The following SCD5 variants were observed in gnomAD, a reference collection of about 807,000 sequenced individuals.
SCD5 encodes acyl-CoA-desaturase 4.
A neutral mutation model predicts 30.4 loss-of-function variants in SCD5; 20 were observed. The observed-to-expected ratio is 0.66, with a 90% confidence interval of 0.46 to 0.96. The LOEUF is 0.96. Among genes scored for constraint, SCD5 ranks in the 40% least tolerant of loss-of-function variants. SCD5 has a pLI of 0.00. For missense variants in SCD5, 381 were observed against 443.3 expected (o/e 0.86, Z 1.26); for synonymous variants, 173 against 176.4 (o/e 0.98, Z 0.16).
At chr4:82,721,633 A>G (rs965878832) in intron 1 of SCD5, among the ~76,000 whole-genome samples, 5 of 152,214 alleles carry the variant, frequency 3.3e-5, no homozygotes, top group Non-Finnish European at 7.3e-5. Context: ...AACAATGTGA[A>G]GAGACATAGG....
At chr4:82,798,017 G>C (rs1309355382) in intron 1 of SCD5, among the ~76,000 whole-genome samples, 101 of 148,838 alleles carry the variant, frequency 6.8e-4, no homozygotes, top group African/African-American at 2.3e-3. Context: ...AGGACTCCGG[G>C]TCCCCCCCGG....
intron 2 of SCD5, among the ~76,000 whole-genome samples, chr4:82,697,322 AG>A (rs940356684): frequency 3.3e-5 from 5 of 152,230 alleles, no homozygotes; most frequent in African/African-American, 1.2e-4. Context: ...AACTCTTTAA[AG>A]TATTGCGGTT....
chr4:82,708,992 C>T (rs1720023214), intron 1 of SCD5, among the ~76,000 whole-genome samples: 1 of 152,064 alleles, frequency 6.6e-6, no homozygotes, highest in African/African-American at 2.4e-5. Context: ...TAATACTCAC[C>T]ACAAGTGTAG....
intron 3 of SCD5, among the ~76,000 whole-genome samples, chr4:82,659,234 T>A (rs1727933885): frequency 6.6e-6 from 1 of 152,196 alleles, no homozygotes; most frequent in South Asian, 2.1e-4. Flanking sequence ...TTTTCTTCTT[T>A]ATTAGTCTGG....
At chr4:82,710,608 G>T (rs1396970279) in intron 1 of SCD5, among the ~76,000 whole-genome samples, 1 of 152,200 alleles carries the variant, frequency 6.6e-6, no homozygotes, top group African/African-American at 2.4e-5. Flanking sequence ...GGCTTCTTGG[G>T]AGAGGGTGAC....
At chr4:82,711,162 C>T (rs935843300) in intron 1 of SCD5, among the ~76,000 whole-genome samples, 3 of 151,954 alleles carry the variant, frequency 2.0e-5, no homozygotes, top group Admixed American at 2.0e-4. Context: ...GCATGAATGC[C>T]ATGCTCTGTT....
intron 3 of SCD5, among the ~76,000 whole-genome samples, chr4:82,665,231 CA>C (rs35422547): frequency 0.019 from 1,355 of 72,140 alleles, 12 homozygotes; most frequent in African/African-American, 0.057. Context: ...GACCCTGTCT[CA>C]AAAAAAAAAA....
At chr4:82,682,822 G>A (rs1002909044) in intron 2 of SCD5, among the ~76,000 whole-genome samples, 1 of 151,866 alleles carries the variant, frequency 6.6e-6, no homozygotes, top group African/African-American at 2.4e-5. Flanking sequence ...CTAATTTTTT[G>A]TTTTTCTTTT....
intron 2 of SCD5, among the ~76,000 whole-genome samples, chr4:82,682,383 G>T (rs530671003): frequency 1.3e-3 from 194 of 152,068 alleles, no homozygotes; most frequent in Non-Finnish European, 2.1e-3. Flanking sequence ...ATCTACAGAC[G>T]TTTTTTTACA....
intron 1 of SCD5, among the ~76,000 whole-genome samples, chr4:82,720,648 CA>C (rs1344185460): frequency 1.1e-4 from 17 of 152,156 alleles, no homozygotes; most frequent in African/African-American, 3.6e-4. Flanking sequence ...AGCACTGCCC[CA>C]ACCCTCTGTA....
chr4:82,761,637 A>AG (rs1721369787), intron 1 of SCD5, among the ~76,000 whole-genome samples: 1 of 151,618 alleles, frequency 6.6e-6, no homozygotes, highest in African/African-American at 2.4e-5. Flanking sequence ...TGTGCAGGTT[A>AG]GTTACATATG....
At chr4:82,739,475 C>G (rs1295534702) in intron 1 of SCD5, among the ~76,000 whole-genome samples, 1 of 152,240 alleles carries the variant, frequency 6.6e-6, no homozygotes, top group African/African-American at 2.4e-5. Flanking sequence ...TGCAGCACCC[C>G]CTGCCGGTGG....
chr4:82,718,205 T>C (rs1720273753), intron 1 of SCD5, among the ~76,000 whole-genome samples: 1 of 151,450 alleles, frequency 6.6e-6, no homozygotes, highest in Non-Finnish European at 1.5e-5. Context: ...AAGACCACAA[T>C]AACCAGACCC....
intron 1 of SCD5, among the ~76,000 whole-genome samples, chr4:82,789,401 A>G (rs1372690652): frequency 2.0e-5 from 3 of 152,220 alleles, no homozygotes; most frequent in Non-Finnish European, 2.9e-5. Flanking sequence ...CTAAATGGTC[A>G]GCCTGTGGTT....
At chr4:82,705,547 A>C in intron 1 of SCD5, 134 bp from the exon 2 acceptor site, 1 of 1,231,262 alleles carries the variant, frequency 8.1e-7, no homozygotes, top group Non-Finnish European at 1.1e-6. Context: ...AAGAATCAAT[A>C]ACTTGAGAGG....
intron 2 of SCD5, among the ~76,000 whole-genome samples, chr4:82,682,122 C>T (rs150728415): frequency 9.2e-5 from 14 of 152,208 alleles, no homozygotes; most frequent in African/African-American, 2.7e-4. Flanking sequence ...GGCTGAGGAA[C>T]AGGGCAGCAC....
At chr4:82,661,609 G>A (rs1728009118) in intron 3 of SCD5, among the ~76,000 whole-genome samples, 1 of 152,146 alleles carries the variant, frequency 6.6e-6, no homozygotes, top group African/African-American at 2.4e-5. Context: ...AAAAATAATG[G>A]ATGTGTTTCT....
intron 2 of SCD5, among the ~76,000 whole-genome samples, chr4:82,689,499 A>G (rs1343607457): frequency 6.6e-6 from 1 of 152,258 alleles, no homozygotes; most frequent in Non-Finnish European, 1.5e-5. Context: ...CATGTAATCA[A>G]AAAACAGTCC....
intron 1 of SCD5, among the ~76,000 whole-genome samples, chr4:82,745,412 C>A (rs1720959757): frequency 6.6e-6 from 1 of 152,166 alleles, no homozygotes; most frequent in African/African-American, 2.4e-5. Flanking sequence ...CGGCTCAGAA[C>A]AAGGAGAGAC....
Sources: allele counts gnomAD v4.1 joint callset (sites outside exome capture counted in the v4.1 genomes callset), GRCh38; gene constraint gnomAD v4.1.1; transcripts MANE v1.5; gene names NCBI Gene and HGNC (gene_info 2026-07-23, HGNC 2026-07-21).